NRG1: variants seen among roughly 807,000 people sequenced by gnomAD.
The protein encoded by NRG1 is neuregulin 1.
A neutral mutation model predicts 63.8 loss-of-function variants in NRG1; 18 were observed. That is an observed-to-expected ratio of 0.28 (90% CI 0.19 to 0.42). The LOEUF is 0.42. Ranked by LOEUF, NRG1 falls within the 10% of genes least tolerant of loss-of-function variation. The pLI is 1.00. For missense variants in NRG1, 762 were observed against 814.7 expected, an observed-to-expected ratio of 0.94 and a Z score of 0.79; for synonymous variants, 302 against 301.3, an observed-to-expected ratio of 1.00 and a Z score of -0.02.
intron 1 of NRG1, among the ~76,000 whole-genome samples, chr8:32,295,940 GAA>G (rs536209588): frequency 2.3e-5 from 3 of 128,096 alleles, no homozygotes; most frequent in Non-Finnish European, 4.8e-5. Context: ...AGGTCTCAAG[GAA>G]AAAAAAAAAA....
intron 1 of NRG1, among the ~76,000 whole-genome samples, chr8:32,058,336 A>G (rs1052017280): frequency 1.3e-5 from 2 of 152,076 alleles, no homozygotes; most frequent in Non-Finnish European, 2.9e-5. Flanking sequence ...AAAATAAATA[A>G]GGATCTGACT....
intron 1 of NRG1, among the ~76,000 whole-genome samples, chr8:31,972,341 A>G (rs1466128196): frequency 3.9e-5 from 6 of 152,080 alleles, no homozygotes; most frequent in Non-Finnish European, 8.8e-5. Context: ...CTCATCAAAC[A>G]GCCTAGCTTT....
At chr8:32,538,535 A>T (rs1215305725) in intron 1 of NRG1, among the ~76,000 whole-genome samples, 1 of 152,204 alleles carries the variant, frequency 6.6e-6, no homozygotes, top group Non-Finnish European at 1.5e-5. Flanking sequence ...AAAATCAGCT[A>T]GGCTTGTTCT....
At chr8:32,362,575 T>C (rs1284304729) in intron 1 of NRG1, among the ~76,000 whole-genome samples, 1 of 152,184 alleles carries the variant, frequency 6.6e-6, no homozygotes, top group South Asian at 2.1e-4. Context: ...GTGGAATACA[T>C]TCTGGATGCA....
At chr8:32,416,896 G>A (rs946237384) in intron 1 of NRG1, among the ~76,000 whole-genome samples, 1 of 152,100 alleles carries the variant, frequency 6.6e-6, no homozygotes, top group Non-Finnish European at 1.5e-5. Flanking sequence ...ATGTTGCCCA[G>A]GCTGGTCTTG....
chr8:31,736,642 T>C (rs1358096904), intron 1 of NRG1, among the ~76,000 whole-genome samples: 1 of 152,168 alleles, frequency 6.6e-6, no homozygotes, highest in Non-Finnish European at 1.5e-5. Flanking sequence ...TTAACATCTC[T>C]GAGTCTCAAA....
intron 1 of NRG1, among the ~76,000 whole-genome samples, chr8:32,405,451 G>A (rs1386672513): frequency 6.6e-6 from 1 of 152,194 alleles, no homozygotes; most frequent in Non-Finnish European, 1.5e-5. Flanking sequence ...CAGCAGAGGG[G>A]AGAAATTTAT....
At chr8:32,508,121 T>A (rs1563560371) in intron 1 of NRG1, among the ~76,000 whole-genome samples, 1 of 152,130 alleles carries the variant, frequency 6.6e-6, no homozygotes, top group Non-Finnish European at 1.5e-5. Flanking sequence ...CAAAGAATGG[T>A]AGAGTGGAAT....
exon 12 of NRG1, chr8:32,763,950 T>A: frequency 6.2e-7 from 1 of 1,613,852 alleles, no homozygotes; most frequent in Non-Finnish European, 8.5e-7. Flanking sequence ...GGAGAAGAAG[T>A]TTGACCATCA....
chr8:32,700,408 C>G (rs918836102), intron 5 of NRG1, among the ~76,000 whole-genome samples: 3 of 151,954 alleles, frequency 2.0e-5, no homozygotes, highest in African/African-American at 7.3e-5. Flanking sequence ...CCAGTCAGGT[C>G]GAGGGTAAAT....
chr8:31,801,815 C>T (rs1217377724), intron 1 of NRG1, among the ~76,000 whole-genome samples: 1 of 152,098 alleles, frequency 6.6e-6, no homozygotes, highest in Non-Finnish European at 1.5e-5. Flanking sequence ...TTATAAAAGT[C>T]CTGATTGTTT....
intron 1 of NRG1, among the ~76,000 whole-genome samples, chr8:31,916,513 G>A (rs1221633312): frequency 6.6e-5 from 10 of 152,192 alleles, no homozygotes; most frequent in South Asian, 6.2e-4. Context: ...TTTCATCCAC[G>A]TCCCTATAAA....
At chr8:32,388,022 G>T (rs939077) in intron 1 of NRG1, among the ~76,000 whole-genome samples, 58,394 of 152,078 alleles carry the variant, frequency 0.38, 11,901 homozygotes, top group Admixed American at 0.45. Flanking sequence ...GGATTCTAAT[G>T]CCCAGGTGAC....
At chr8:31,642,893 T>C (rs576499316) in intron 1 of NRG1, among the ~76,000 whole-genome samples, 1 of 152,188 alleles carries the variant, frequency 6.6e-6, no homozygotes, top group Non-Finnish European at 1.5e-5. Flanking sequence ...GTGTTTCTTG[T>C]AAAACTGGAG....
intron 1 of NRG1, among the ~76,000 whole-genome samples, chr8:32,470,600 A>G (rs1419937266): frequency 6.6e-6 from 1 of 152,188 alleles, no homozygotes; most frequent in Non-Finnish European, 1.5e-5. Flanking sequence ...ATTCAAGAGC[A>G]TATAAAACTA....
At chr8:32,535,355 T>G (rs1425556408) in intron 1 of NRG1, among the ~76,000 whole-genome samples, 1 of 152,222 alleles carries the variant, frequency 6.6e-6, no homozygotes, top group Non-Finnish European at 1.5e-5. Flanking sequence ...TTGTTATTAC[T>G]GATAGAAAAG....
At chr8:31,820,070 T>A (rs1199233146) in intron 1 of NRG1, among the ~76,000 whole-genome samples, 1 of 144,562 alleles carries the variant, frequency 6.9e-6, no homozygotes, top group East Asian at 1.9e-4. Context: ...CTTTGTGTGA[T>A]GAACAGTGAT....
At chr8:32,434,520 C>T (rs1818549723) in intron 1 of NRG1, among the ~76,000 whole-genome samples, 1 of 151,988 alleles carries the variant, frequency 6.6e-6, no homozygotes, top group Non-Finnish European at 1.5e-5. Flanking sequence ...CTCTTAATGC[C>T]CCAGAAGCCC....
intron 1 of NRG1, among the ~76,000 whole-genome samples, chr8:31,850,787 C>G (rs1827135214): frequency 6.6e-6 from 1 of 152,210 alleles, no homozygotes. Flanking sequence ...AGTCTGCACT[C>G]TCTCACCACC....
Sources: gnomAD v4.1 joint callset for allele counts (sites outside exome capture counted in the v4.1 genomes callset) on GRCh38, gnomAD v4.1.1 for gene constraint, MANE v1.5 for transcripts, NCBI Gene and HGNC (gene_info 2026-07-23, HGNC 2026-07-21) for gene names.